The following ARHGAP8 variants were observed in gnomAD, a reference collection of about 807,000 sequenced individuals.
The protein encoded by ARHGAP8 is Rho GTPase activating protein 8.
A neutral mutation model predicts 46.1 loss-of-function variants in ARHGAP8; 62 were observed. The ratio of observed to expected loss-of-function variants is 1.34; its 90% CI spans 1.10 to 1.66. The LOEUF (loss-of-function observed/expected upper bound fraction) is 1.66. Among genes scored for constraint, ARHGAP8 ranks in the 40% most tolerant of loss-of-function variants. The probability of loss-of-function intolerance (pLI) is 0.00; values close to 1 mark genes in which losing one functional copy is unlikely to be tolerated. For missense variants in ARHGAP8, 923 were observed against 568.4 expected (o/e 1.62, Z -6.34); for synonymous variants, 375 against 243.1 (o/e 1.54, Z -5.05).
At chr22:44,841,265 G>A (rs1363037248) in intron 7 of ARHGAP8, among the ~76,000 whole-genome samples, 1 of 152,120 alleles carries the variant, frequency 6.6e-6, no homozygotes, top group Non-Finnish European at 1.5e-5. Context: ...TTAAGTCTCT[G>A]TGCGAGCGTG....
chr22:44,818,825 T>C (rs1023262024), intron 5 of ARHGAP8, among the ~76,000 whole-genome samples: 1 of 151,834 alleles, frequency 6.6e-6, no homozygotes, highest in Non-Finnish European at 1.5e-5. Flanking sequence ...GCCTCTCACA[T>C]AGCCGGGATT....
intron 1 of ARHGAP8, among the ~76,000 whole-genome samples, chr22:44,773,766 A>G (rs1244160357): frequency 6.6e-6 from 1 of 152,152 alleles, no homozygotes; most frequent in African/African-American, 2.4e-5. Context: ...TATTTTTAGT[A>G]GAGATAGGGT....
At chr22:44,809,512 A>G (rs772685501) in intron 4 of ARHGAP8, 6 of 307,104 alleles carry the variant, frequency 2.0e-5, no homozygotes, top group Admixed American at 4.5e-5. Flanking sequence ...GTGAGATGGC[A>G]GCCTCATTTT....
chr22:44,795,887 G>T (rs568947963), intron 2 of ARHGAP8, among the ~76,000 whole-genome samples: 3 of 151,518 alleles, frequency 2.0e-5, no homozygotes, highest in African/African-American at 7.3e-5. Context: ...AGCCCCACTT[G>T]CCCACACATG....
intron 2 of ARHGAP8, among the ~76,000 whole-genome samples, chr22:44,792,748 T>C (rs1927784767): frequency 2.0e-5 from 3 of 152,076 alleles, no homozygotes; most frequent in Admixed American, 6.5e-5. Flanking sequence ...AGTGACCATA[T>C]GCTTGGCCAA....
intron 1 of ARHGAP8, among the ~76,000 whole-genome samples, chr22:44,785,578 A>T (rs1163670667): frequency 1.3e-5 from 2 of 151,892 alleles, no homozygotes; most frequent in Admixed American, 6.6e-5. Flanking sequence ...ATCTCCAAAG[A>T]CCCGACTTCC....
intron 8 of ARHGAP8, among the ~76,000 whole-genome samples, chr22:44,847,365 T>G (rs2069983428): frequency 6.6e-6 from 1 of 152,248 alleles, no homozygotes; most frequent in Non-Finnish European, 1.5e-5. Flanking sequence ...CCAACTGAAC[T>G]TGGACATCAT....
At chr22:44,855,481 T>A (rs991144039) in intron 10 of ARHGAP8, among the ~76,000 whole-genome samples, 1 of 152,234 alleles carries the variant, frequency 6.6e-6, no homozygotes, top group Non-Finnish European at 1.5e-5. Flanking sequence ...CAAGATCTTA[T>A]AACTTTCATA....
At chr22:44,816,972 G>C (rs1231089896) in intron 5 of ARHGAP8, among the ~76,000 whole-genome samples, 1 of 144,022 alleles carries the variant, frequency 6.9e-6, no homozygotes, top group African/African-American at 2.6e-5. Flanking sequence ...TGCTACCTCT[G>C]CCTCCTGGGT....
chr22:44,862,775 G>T lies in ARHGAP8; in HGVS notation c.*180G>T. ...CCATGGTTCCTGAGCTGTGGACCGG[G>T]ATAGAATAATGCATTTGTTAGGATG... is the stretch of plus-strand genomic sequence containing the variant. On this transcript the variant is annotated 3_prime_UTR_variant, in exon 12 of 12. Transcript: ENST00000356099. 2.8e-6 allele frequency: 2 copies of T among 717,994 alleles called. No individual in the cohort carries two copies. Among genetic ancestry groups the T allele is most frequent in the South Asian group, 3.0e-5 (1 of 33,830 alleles). 44.5% of individuals were successfully genotyped at this position (717,994 alleles called of 1,614,324 possible). A position where few individuals can be genotyped will look rare whatever the true frequency, so the allele number is the denominator to read the frequency against.
At chr22:44,854,796 G>C (rs913713826) in intron 10 of ARHGAP8, among the ~76,000 whole-genome samples, 1 of 151,776 alleles carries the variant, frequency 6.6e-6, no homozygotes, top group African/African-American at 2.4e-5. Flanking sequence ...CGGCCATCTT[G>C]CCTGGCTGAT....
intron 4 of ARHGAP8, chr22:44,809,424 ACC>A: frequency 2.8e-6 from 1 of 352,478 alleles, no homozygotes; most frequent in Non-Finnish European, 5.6e-6. Flanking sequence ...CAACTGCATG[ACC>A]GTTTCTTCAC....
At chr22:44,858,461 G>C (rs995897176) in intron 10 of ARHGAP8, among the ~76,000 whole-genome samples, 1 of 146,048 alleles carries the variant, frequency 6.8e-6, no homozygotes, top group Admixed American at 6.9e-5. Flanking sequence ...TCTGTCTTCT[G>C]AGTTCAAGCA....
At chr22:44,827,550 C>T (rs940204803) in intron 7 of ARHGAP8, among the ~76,000 whole-genome samples, 1 of 151,920 alleles carries the variant, frequency 6.6e-6, no homozygotes, top group Admixed American at 6.6e-5. Flanking sequence ...ACCATGTTGG[C>T]CAGGCTGGTC....
rs1164546829 is a variant in ARHGAP8, at chr22:44,859,332, G to C, written c.878-399G>C. ...AGATAGTGAGTTCTTACCAGATCTG[G>C]TTTAAAAGCATGTGGCACCTCTGTC... On this transcript the variant is annotated intron_variant, in intron 10 of 11. Coordinates refer to ENST00000356099, the MANE Select transcript of ARHGAP8 (RefSeq NM_181335.3). 5.3e-5 allele frequency among the ~76,000 whole-genome samples: 8 copies of C among 151,512 alleles called. No homozygotes were observed. In the East Asian group the frequency reaches 1.5e-3, roughly 29 times the overall value.
chr22:44,799,148 C>T (rs934886841), intron 2 of ARHGAP8, among the ~76,000 whole-genome samples: 4 of 152,232 alleles, frequency 2.6e-5, no homozygotes, highest in South Asian at 4.1e-4. Flanking sequence ...TACAGCCCCC[C>T]GCCCCTGTGC....
intron 2 of ARHGAP8, chr22:44,801,738 C>A (rs1464622550): frequency 3.5e-6 from 1 of 287,876 alleles, no homozygotes; most frequent in East Asian, 8.2e-5. Flanking sequence ...AGAGTGGCTA[C>A]ACCCTGCCTT....
rs1930237603 is a variant in ARHGAP8 at position 44,822,614 on chromosome 22, G to A, written c.485+145G>A. ...CTCAGAAATCTGCGGCATCGACAAA[G>A]ATCCGCAGCAAAAGGTGCTAACTGC... On this transcript the variant is annotated intron_variant, in intron 6 of 11. Transcript: ENST00000356099. The A allele has an allele frequency of 8.9e-6, 6 of 671,438 alleles. No individual in the cohort carries two copies. The South Asian group carries it at 1.7e-4, about 19-fold the overall frequency. 41.6% of individuals were successfully genotyped at this position (671,438 alleles called of 1,614,324 possible).
At chr22:44,797,347 C>T (rs181673153) in intron 2 of ARHGAP8, among the ~76,000 whole-genome samples, 12 of 151,440 alleles carry the variant, frequency 7.9e-5, no homozygotes, top group African/African-American at 2.9e-4. Flanking sequence ...GTTCTTTCCT[C>T]TGTTATTCCA....
Sources: allele counts gnomAD v4.1 joint callset (sites outside exome capture counted in the v4.1 genomes callset), GRCh38; gene constraint gnomAD v4.1.1; transcripts MANE v1.5; gene names NCBI Gene and HGNC (gene_info 2026-07-23, HGNC 2026-07-21).